The following KAZN variants were observed in gnomAD, a reference collection of about 807,000 sequenced individuals.
KAZN encodes kazrin, periplakin interacting protein, also known as kazrin.
Under a neutral mutation model 87.4 loss-of-function variants are expected in KAZN, and 40 were observed. The ratio of observed to expected loss-of-function variants is 0.46; its 90% confidence interval spans 0.36 to 0.60. The LOEUF (loss-of-function observed/expected upper bound fraction) is 0.60. Ranked by LOEUF, KAZN falls within the 20% of genes least tolerant of loss-of-function variation. The pLI, the probability that KAZN is intolerant of heterozygous loss-of-function variation, is 0.00. For missense variants in KAZN, 898 were observed against 1,073.9 expected (o/e 0.84, Z 2.29); for synonymous variants, 466 against 458.3 (o/e 1.02, Z -0.22).
chr1:15,019,938 C>T (rs1165763836), intron 2 of KAZN, among the ~76,000 whole-genome samples: 3 of 152,152 alleles, frequency 2.0e-5, no homozygotes, highest in Non-Finnish European at 4.4e-5. Context: ...CATGAATGTC[C>T]TCCCCCTTAA....
intron 2 of KAZN, among the ~76,000 whole-genome samples, chr1:14,466,760 A>G (rs2148360250): frequency 6.6e-6 from 1 of 152,200 alleles, no homozygotes; most frequent in East Asian, 1.9e-4. Flanking sequence ...CGAAGTCAGG[A>G]GATGGAGACC....
chr1:13,931,454 G>GTA (rs547221652), intron 1 of KAZN, among the ~76,000 whole-genome samples: 2,485 of 151,778 alleles, frequency 0.016, 63 homozygotes, highest in African/African-American at 0.055. Flanking sequence ...AGGGGTGTGT[G>GTA]TGTGTGTGTG....
At position 14,752,520 on chromosome 1, in the gene KAZN, T is replaced by A. The variant is rs1439061952; in HGVS notation, c.226+153297T>A. ...AGTCCAAGATCAAGACACCAGCAGA[T>A]TCAACGTCTGGTGAGGCTGCTCTCT... On this transcript the variant is annotated intron_variant, in intron 1 of 14. Transcript: ENST00000376030. Among the ~76,000 whole-genome samples the A allele has an allele frequency of 2.6e-5, 4 of 152,112 alleles. 1 individual carries two copies. Among genetic ancestry groups the A allele is most frequent in the Admixed American group, 2.6e-4 (4 of 15,264 alleles).
chr1:14,086,724 T>C (rs909215342), intron 1 of KAZN, among the ~76,000 whole-genome samples: 1 of 152,216 alleles, frequency 6.6e-6, no homozygotes, highest in Non-Finnish European at 1.5e-5. Flanking sequence ...ATGATCCATT[T>C]GGAGTTAATT....
intron 2 of KAZN, among the ~76,000 whole-genome samples, chr1:14,200,224 C>A (rs574229343): frequency 6.6e-6 from 1 of 151,890 alleles, no homozygotes; most frequent in Non-Finnish European, 1.5e-5. Context: ...AACCATTAAA[C>A]GCAATTAGGT....
At chr1:14,663,662 CAG>C (rs1639332649) in intron 1 of KAZN, among the ~76,000 whole-genome samples, 1 of 152,140 alleles carries the variant, frequency 6.6e-6, no homozygotes, top group Non-Finnish European at 1.5e-5. Flanking sequence ...AAAAAACAAA[CAG>C]AGAAATCACA....
At chr1:14,098,692 A>C (rs2101637880) in intron 1 of KAZN, among the ~76,000 whole-genome samples, 1 of 152,238 alleles carries the variant, frequency 6.6e-6, no homozygotes, top group Non-Finnish European at 1.5e-5. Flanking sequence ...GGCCATTTGG[A>C]CTTCCCTGAG....
At chr1:14,429,590 C>A (rs964038208) in intron 2 of KAZN, among the ~76,000 whole-genome samples, 5 of 152,198 alleles carry the variant, frequency 3.3e-5, no homozygotes, top group Middle Eastern at 3.4e-3. Flanking sequence ...AAAAGGGGAG[C>A]GTCTTTCCCT....
chr1:14,957,676 G>A (rs915212343), intron 1 of KAZN, among the ~76,000 whole-genome samples: 4 of 152,318 alleles, frequency 2.6e-5, no homozygotes, highest in African/African-American at 9.6e-5. Context: ...AGGAAATCAT[G>A]AAGAGGGGAG....
chr1:14,814,586 T>G (rs1487760995), intron 1 of KAZN, among the ~76,000 whole-genome samples: 13 of 152,208 alleles, frequency 8.5e-5, no homozygotes, highest in Non-Finnish European at 2.9e-5. Context: ...AACAGGAGAC[T>G]GGCCTTGCAG....
intron 1 of KAZN, among the ~76,000 whole-genome samples, chr1:14,612,080 A>G (rs1471055389): frequency 6.6e-6 from 1 of 152,218 alleles, no homozygotes; most frequent in Non-Finnish European, 1.5e-5. Context: ...TATCTGACCC[A>G]GCTCGACACA....
At chr1:14,781,247 A>G (rs1460261377) in intron 1 of KAZN, among the ~76,000 whole-genome samples, 3 of 152,306 alleles carry the variant, frequency 2.0e-5, no homozygotes, top group East Asian at 1.9e-4. Flanking sequence ...GCGTGAACCC[A>G]GGAGGCGGAG....
intron 1 of KAZN, among the ~76,000 whole-genome samples, chr1:14,870,531 C>T (rs895572209): frequency 1.3e-5 from 2 of 152,030 alleles, no homozygotes; most frequent in Non-Finnish European, 2.9e-5. Flanking sequence ...AGTAGAGACG[C>T]GGTTTCTCCA....
chr1:14,716,430 T>C (rs926842114), intron 1 of KAZN, among the ~76,000 whole-genome samples: 6 of 152,212 alleles, frequency 3.9e-5, no homozygotes, highest in African/African-American at 1.4e-4. Context: ...GCAGATTTTC[T>C]TCCCCTTTCC....
intron 2 of KAZN, among the ~76,000 whole-genome samples, chr1:14,402,280 T>G (rs965903285): frequency 1.3e-5 from 2 of 151,926 alleles, no homozygotes; most frequent in Admixed American, 6.6e-5. Context: ...AAATAGCCTG[T>G]TCCTAATAGC....
At chr1:14,828,132 A>G (rs1646951198) in intron 1 of KAZN, among the ~76,000 whole-genome samples, 1 of 152,172 alleles carries the variant, frequency 6.6e-6, no homozygotes, top group Non-Finnish European at 1.5e-5. Context: ...TACACAATCA[A>G]TCGACAAATG....
chr1:15,078,666 C>A (rs1252560455), intron 8 of KAZN, among the ~76,000 whole-genome samples: 2 of 152,156 alleles, frequency 1.3e-5, no homozygotes, highest in Non-Finnish European at 2.9e-5. Flanking sequence ...GATCCTTTGC[C>A]CCATGCTGTG....
intron 2 of KAZN, among the ~76,000 whole-genome samples, chr1:14,435,113 C>T (rs1666304615): frequency 1.3e-5 from 2 of 152,136 alleles, no homozygotes; most frequent in South Asian, 4.1e-4. Context: ...TCCCTTGAGT[C>T]CTAGCCCTCT....
chr1:14,192,152 T>G (rs920927165), intron 2 of KAZN, among the ~76,000 whole-genome samples: 1 of 152,090 alleles, frequency 6.6e-6, no homozygotes, highest in Non-Finnish European at 1.5e-5. Context: ...ACAGGGAAAT[T>G]AAGACAGTGA....
Sources: allele counts gnomAD v4.1 joint callset (sites outside exome capture counted in the v4.1 genomes callset), GRCh38; gene constraint gnomAD v4.1.1; transcripts MANE v1.5; gene names NCBI Gene and HGNC (gene_info 2026-07-23, HGNC 2026-07-21).